The following MYO10 variants were observed in gnomAD, a reference collection of about 807,000 sequenced individuals.
The protein encoded by MYO10 is myosin X.
Under a neutral mutation model 257.3 loss-of-function variants are expected in MYO10, and 133 were observed. That is an observed-to-expected ratio of 0.52 (90% CI 0.45 to 0.60). MYO10 has a LOEUF of 0.60. Among genes scored for constraint, MYO10 ranks in the 20% least tolerant of loss-of-function variants. MYO10 has a pLI of 0.00. For missense variants in MYO10, 2,399 were observed against 2,635.7 expected, an observed-to-expected ratio of 0.91 and a Z score of 1.97; for synonymous variants, 1,104 against 1,028.6, an observed-to-expected ratio of 1.07 and a Z score of -1.40.
At chr5:16,682,450 A>C (rs1371577688) in intron 30 of MYO10, among the ~76,000 whole-genome samples, 1 of 152,120 alleles carries the variant, frequency 6.6e-6, no homozygotes, top group Admixed American at 6.6e-5. Context: ...GGAGCATCTT[A>C]AATGCTTGAT....
intron 3 of MYO10, among the ~76,000 whole-genome samples, chr5:16,804,641 G>A (rs553173630): frequency 6.6e-6 from 1 of 152,334 alleles, no homozygotes; most frequent in South Asian, 2.1e-4. Context: ...GGGAAGCTGA[G>A]GCAGGAGGAT....
intron 1 of MYO10, among the ~76,000 whole-genome samples, chr5:16,922,848 T>G (rs771680071): frequency 5.3e-5 from 8 of 151,974 alleles, no homozygotes; most frequent in Non-Finnish European, 1.0e-4. Context: ...CTGGGCAACA[T>G]AGTGAGACCT....
chr5:16,807,814 T>A (rs1002022140), intron 3 of MYO10, among the ~76,000 whole-genome samples: 6 of 152,126 alleles, frequency 3.9e-5, no homozygotes, highest in Non-Finnish European at 5.9e-5. Context: ...GACCCTCTCA[T>A]CCCCTCCTCA....
intron 2 of MYO10, among the ~76,000 whole-genome samples, chr5:16,839,682 A>C (rs1238286267): frequency 6.6e-6 from 1 of 152,184 alleles, no homozygotes; most frequent in Non-Finnish European, 1.5e-5. Flanking sequence ...TCAAGGCTGC[A>C]GTGAGCCGAG....
intron 1 of MYO10, among the ~76,000 whole-genome samples, chr5:16,923,475 G>A (rs1422166046): frequency 6.6e-6 from 1 of 151,780 alleles, no homozygotes; most frequent in South Asian, 2.1e-4. Flanking sequence ...TTTTAGTAGA[G>A]ATGGGGTTTC....
intron 2 of MYO10, among the ~76,000 whole-genome samples, chr5:16,864,145 GC>G (rs1366322115): frequency 2.3e-5 from 3 of 129,380 alleles, no homozygotes; most frequent in African/African-American, 8.4e-5. Flanking sequence ...CTGCTATGTG[GC>G]TATTTTTTTT....
At chr5:16,784,762 A>G (rs1378764171) in intron 4 of MYO10, among the ~76,000 whole-genome samples, 1 of 152,154 alleles carries the variant, frequency 6.6e-6, no homozygotes, top group Non-Finnish European at 1.5e-5. Flanking sequence ...CGTTATCAAG[A>G]AAGAGGAATT....
At chr5:16,857,940 A>T (rs1011743758) in intron 2 of MYO10, among the ~76,000 whole-genome samples, 7 of 152,216 alleles carry the variant, frequency 4.6e-5, no homozygotes, top group African/African-American at 1.7e-4. Flanking sequence ...CCCCTGAAGC[A>T]CTAAATATCA....
intron 2 of MYO10, among the ~76,000 whole-genome samples, chr5:16,844,237 T>C (rs1241811765): frequency 6.6e-6 from 1 of 152,248 alleles, no homozygotes; most frequent in African/African-American, 2.4e-5. Flanking sequence ...CACTCCTTTT[T>C]TTTCTTTGAA....
intron 2 of MYO10, among the ~76,000 whole-genome samples, chr5:16,853,263 A>G (rs566308385): frequency 1.3e-5 from 2 of 151,718 alleles, no homozygotes; most frequent in South Asian, 4.2e-4. Flanking sequence ...AGTCCCAGCT[A>G]CTCGGGAGGC....
intron 1 of MYO10, among the ~76,000 whole-genome samples, chr5:16,918,165 T>C (rs938402150): frequency 2.0e-5 from 3 of 152,170 alleles, no homozygotes; most frequent in Admixed American, 6.5e-5. Flanking sequence ...TTGTTATCAT[T>C]AAACTTGAAA....
At chr5:16,708,099 G>A in intron 21 of MYO10, among the ~76,000 whole-genome samples, 1 of 152,206 alleles carries the variant, frequency 6.6e-6, no homozygotes. Context: ...CAATTCAAAT[G>A]CTTTGATGTT....
intron 2 of MYO10, among the ~76,000 whole-genome samples, chr5:16,843,630 C>G (rs1271604165): frequency 6.6e-6 from 1 of 152,162 alleles, no homozygotes; most frequent in Non-Finnish European, 1.5e-5. Flanking sequence ...GTCTAACTTT[C>G]TATCAGCAAG....
chr5:16,662,874 C>T lies in MYO10; in HGVS notation c.*3818G>A, dbSNP rs1736029370. 1 of 152,154 alleles carries T rather than the reference C, an allele frequency of 6.6e-6. No homozygotes were observed. The highest frequency in any genetic ancestry group is 1.5e-5 in the Non-Finnish European group (1 of 68,042). The allele number at this position is 152,154 out of a possible 1,614,324, so 9.4% of individuals were successfully genotyped here. ...TTGCCTGCTGCCATATAAGATGTGC[C>T]TTTTCTCCTCCTTTGCTGTCCACCA... is the stretch of plus-strand genomic sequence containing the variant. On this transcript the variant is annotated 3_prime_UTR_variant, in exon 41 of 41. Coordinates refer to ENST00000513610, the MANE Select transcript of MYO10 (RefSeq NM_012334.3).
intron 2 of MYO10, 92 bp downstream of exon 2, chr5:16,877,517 T>C (rs898685887): frequency 1.1e-6 from 1 of 896,298 alleles, no homozygotes; most frequent in Admixed American, 2.2e-5. Flanking sequence ...AAAGCGTGTG[T>C]ATGTGTAGGG....
chr5:16,792,110 TACACACACAC>T (rs138106656), intron 4 of MYO10, among the ~76,000 whole-genome samples: 2,290 of 139,078 alleles, frequency 0.016, 66 homozygotes, highest in African/African-American at 0.061. Context: ...CACACATACA[TACACACACAC>T]ACACACACAC....
chr5:16,688,130 G>C (rs531317523), intron 28 of MYO10, among the ~76,000 whole-genome samples: 1 of 152,312 alleles, frequency 6.6e-6, no homozygotes, highest in Non-Finnish European at 1.5e-5. Context: ...AAAGCTGCAG[G>C]CATTCCCTGG....
chr5:16,729,450 T>A (rs1739495346), intron 19 of MYO10, among the ~76,000 whole-genome samples: 1 of 151,394 alleles, frequency 6.6e-6, no homozygotes, highest in Non-Finnish European at 1.5e-5. Context: ...AGTTGTATTT[T>A]CTATTTTTTT....
chr5:16,669,434 G>A (rs1426508736), intron 39 of MYO10, among the ~76,000 whole-genome samples: 2 of 152,036 alleles, frequency 1.3e-5, no homozygotes, highest in South Asian at 2.1e-4. Flanking sequence ...TCGATCTCCT[G>A]ACCTCATGAT....
Sources: gnomAD v4.1 joint callset for allele counts (sites outside exome capture counted in the v4.1 genomes callset) on GRCh38, gnomAD v4.1.1 for gene constraint, MANE v1.5 for transcripts, NCBI Gene and HGNC (gene_info 2026-07-23, HGNC 2026-07-21) for gene names.